CDC73: variants seen among roughly 807,000 people sequenced by gnomAD.
The protein encoded by CDC73 is parafibromin.
CDC73 carries 21 observed loss-of-function variants against 83.7 expected under a neutral mutation model. That is an observed-to-expected ratio of 0.25 (90% CI 0.18 to 0.36). The LOEUF is 0.36. Among genes scored for constraint, CDC73 ranks in the 10% least tolerant of loss-of-function variants. The pLI is 1.00. For synonymous variants in CDC73, 224 were observed against 212.9 expected (o/e 1.05, Z -0.45); for missense variants, 342 against 653.3 (o/e 0.52, Z 5.19).
chr1:193,181,379 A>G (rs1676713654), intron 10 of CDC73: 1 of 1,614,052 alleles, frequency 6.2e-7, no homozygotes, highest in Non-Finnish European at 8.5e-7. Flanking sequence ...CGGAAAGTGT[A>G]TGTCACAGGG....
At chr1:193,149,375 T>C (rs1053969967) in intron 8 of CDC73, among the ~76,000 whole-genome samples, 2 of 151,800 alleles carry the variant, frequency 1.3e-5, no homozygotes, top group Admixed American at 1.3e-4. Context: ...ACTTATTAGA[T>C]GTTTTTTTTT....
chr1:193,209,880 C>A (rs922967751), intron 11 of CDC73, among the ~76,000 whole-genome samples: 1 of 152,128 alleles, frequency 6.6e-6, no homozygotes, highest in East Asian at 1.9e-4. Flanking sequence ...CTTCCTCTCC[C>A]CCCTCTCTGC....
chr1:193,132,258 T>C (rs1675709277), intron 3 of CDC73, among the ~76,000 whole-genome samples: 1 of 152,246 alleles, frequency 6.6e-6, no homozygotes, highest in African/African-American at 2.4e-5. Flanking sequence ...TAGGAATGCT[T>C]TCTTCCTATG....
At chr1:193,250,561 C>T in intron 16 of CDC73, 115 bp from the exon 17 acceptor site, 2 of 731,382 alleles carry the variant, frequency 2.7e-6, no homozygotes, top group Non-Finnish European at 4.7e-6. Flanking sequence ...TAGAAAACAG[C>T]ATTTTATTCT....
chr1:193,220,117 G>A (rs1268467185), intron 13 of CDC73, among the ~76,000 whole-genome samples: 1 of 147,556 alleles, frequency 6.8e-6, no homozygotes, highest in Non-Finnish European at 1.5e-5. Context: ...AGGGGAATGT[G>A]AATGCTCTGG....
intron 16 of CDC73, 34 bp downstream of exon 16, chr1:193,249,905 T>C (rs1269000255): frequency 6.2e-7 from 1 of 1,605,252 alleles, no homozygotes; most frequent in South Asian, 1.1e-5. Context: ...TTGTGTGTGT[T>C]TTATTGTAAT....
intron 10 of CDC73, among the ~76,000 whole-genome samples, chr1:193,169,491 G>A (rs1676485684): frequency 1.3e-5 from 2 of 152,144 alleles, no homozygotes; most frequent in South Asian, 2.1e-4. Context: ...GTCACAGTGA[G>A]CCAAGATCAC....
rs1220800448 is a variant in CDC73, at chr1:193,175,562, C to G, written c.972+23118C>G. 2.0e-5 allele frequency among the ~76,000 whole-genome samples: 3 copies of G among 152,146 alleles called. No homozygotes were observed. In the East Asian group the frequency reaches 5.8e-4, roughly 29 times the overall value. ...ATATTAAAAACAAAAAACAAAAAAA[C>G]CAAACCCAGAACGCCTGTGCTGAAC... On this transcript the variant is annotated intron_variant, in intron 10 of 16. Coordinates refer to ENST00000367435, the MANE Select transcript of CDC73 (RefSeq NM_024529.5).
chr1:193,219,437 C>A (rs1043537919), intron 13 of CDC73, among the ~76,000 whole-genome samples: 1 of 152,160 alleles, frequency 6.6e-6, no homozygotes, highest in East Asian at 1.9e-4. Flanking sequence ...AAGACACATG[C>A]ACTCTTTAAG....
chr1:193,179,487 T>C (rs1188326613), intron 10 of CDC73: 1 of 152,632 alleles, frequency 6.6e-6, no homozygotes, highest in African/African-American at 2.4e-5. Flanking sequence ...TGGTGCTGTT[T>C]AAGAGTGCAG....
At chr1:193,208,491 C>A (rs187810766) in intron 11 of CDC73, among the ~76,000 whole-genome samples, 16 of 152,316 alleles carry the variant, frequency 1.1e-4, no homozygotes, top group Non-Finnish European at 2.1e-4. Flanking sequence ...AAAACTCAAC[C>A]ACACATAGTT....
At chr1:193,124,718 A>G (rs972899678) in intron 1 of CDC73, among the ~76,000 whole-genome samples, 3 of 152,192 alleles carry the variant, frequency 2.0e-5, no homozygotes, top group South Asian at 2.1e-4. Flanking sequence ...ATCAAGAGCC[A>G]TAGGATAAAT....
chr1:193,225,917 C>T (rs960465880), intron 13 of CDC73, among the ~76,000 whole-genome samples: 1 of 152,124 alleles, frequency 6.6e-6, no homozygotes, highest in Non-Finnish European at 1.5e-5. Context: ...AATTAGGTCT[C>T]AGCCATTTAT....
intron 11 of CDC73, among the ~76,000 whole-genome samples, chr1:193,209,906 G>GT (rs1677248322): frequency 6.6e-6 from 1 of 150,952 alleles, no homozygotes; most frequent in African/African-American, 2.4e-5. Context: ...TTCCATCTTT[G>GT]TTTTTTTGTA....
At chr1:193,187,568 C>T (rs1284752532) in intron 10 of CDC73, among the ~76,000 whole-genome samples, 2 of 152,018 alleles carry the variant, frequency 1.3e-5, no homozygotes, top group Non-Finnish European at 2.9e-5. Flanking sequence ...CCTTTATTAT[C>T]AGTTTTTCCT....
chr1:193,142,087 A>C (rs1675916316), intron 7 of CDC73, 21 bp downstream of exon 7: 1 of 1,560,818 alleles, frequency 6.4e-7, no homozygotes, highest in Non-Finnish European at 8.8e-7. Flanking sequence ...TATTTTACTC[A>C]TTCATTGGAG....
intron 10 of CDC73, among the ~76,000 whole-genome samples, chr1:193,165,595 T>G (rs1676422686): frequency 6.6e-6 from 1 of 152,274 alleles, no homozygotes; most frequent in Non-Finnish European, 1.5e-5. Context: ...GTGGATTGTG[T>G]AAAAGTTTTG....
At chr1:193,146,151 T>C (rs1202904719) in intron 7 of CDC73, among the ~76,000 whole-genome samples, 2 of 152,170 alleles carry the variant, frequency 1.3e-5, no homozygotes, top group Non-Finnish European at 2.9e-5. Context: ...GCAGCGACCA[T>C]GTCTTTTTTG....
At chr1:193,164,765 A>G (rs1676405900) in intron 10 of CDC73, among the ~76,000 whole-genome samples, 3 of 152,100 alleles carry the variant, frequency 2.0e-5, no homozygotes, top group African/African-American at 4.8e-5. Flanking sequence ...CCCTTGCCAG[A>G]TGGATATGAT....
Sources: allele counts gnomAD v4.1 joint callset (sites outside exome capture counted in the v4.1 genomes callset), GRCh38; gene constraint gnomAD v4.1.1; transcripts MANE v1.5; gene names NCBI Gene and HGNC (gene_info 2026-07-23, HGNC 2026-07-21).